The following PTPRD variants were observed in gnomAD, a reference collection of about 807,000 sequenced individuals.
PTPRD encodes the protein receptor-type tyrosine-protein phosphatase delta.
In PTPRD, 34 loss-of-function variants were observed where a neutral mutation model predicts 214.5. That is an observed-to-expected ratio of 0.16 (90% CI 0.12 to 0.21). PTPRD has a LOEUF of 0.21. Among genes scored for constraint, PTPRD ranks in the 10% least tolerant of loss-of-function variants. The pLI is 1.00. For synonymous variants in PTPRD, 1,128 were observed against 845.7 expected, an observed-to-expected ratio of 1.33 and a Z score of -5.79; for missense variants, 2,545 against 2,398.7, an observed-to-expected ratio of 1.06 and a Z score of -1.27.
At position 9,006,658 on chromosome 9, in the gene PTPRD, T is replaced by C. The variant is rs568205216; in HGVS notation, c.-104+12039A>G. Among the ~76,000 whole-genome samples, 109 of 152,150 alleles carry C rather than the reference T, an allele frequency of 7.2e-4. 1 individual carries two copies. Among genetic ancestry groups the C allele is most frequent in the African/African-American group, 2.5e-3 (104 of 41,544 alleles). On this transcript the variant is annotated intron_variant, in intron 11 of 45. Transcript: ENST00000381196. The stretch of plus-strand genomic sequence containing the variant: ...AAGCATCTGCCTGCTGGTCTAACCA[T>C]AATTTTAGGGAGTATTACTGATATC...
intron 12 of PTPRD, among the ~76,000 whole-genome samples, chr9:8,642,191 T>G (rs893060570): frequency 6.6e-6 from 1 of 152,196 alleles, no homozygotes; most frequent in Non-Finnish European, 1.5e-5. Flanking sequence ...AAGGATCACA[T>G]GCTACAAAAG....
chr9:8,783,772 A>G (rs1026351157), intron 11 of PTPRD, among the ~76,000 whole-genome samples: 1 of 152,146 alleles, frequency 6.6e-6, no homozygotes, highest in Non-Finnish European at 1.5e-5. Flanking sequence ...AGGATTTTCA[A>G]CTGTATTTTA....
intron 8 of PTPRD, among the ~76,000 whole-genome samples, chr9:9,482,279 A>C (rs948684665): frequency 6.6e-6 from 1 of 152,214 alleles, no homozygotes; most frequent in Admixed American, 6.5e-5. Context: ...CAGTTCAGTG[A>C]AATGACTTAA....
At chr9:8,817,516 A>C (rs901453628) in intron 11 of PTPRD, among the ~76,000 whole-genome samples, 1 of 152,140 alleles carries the variant, frequency 6.6e-6, no homozygotes, top group Non-Finnish European at 1.5e-5. Flanking sequence ...AGTGCCAGCC[A>C]GCTCCTTGGG....
chr9:9,301,739 A>T (rs770558386), intron 9 of PTPRD, among the ~76,000 whole-genome samples: 1 of 151,886 alleles, frequency 6.6e-6, no homozygotes, highest in East Asian at 1.9e-4. Flanking sequence ...TATTGATTGC[A>T]CTAATTATAG....
intron 10 of PTPRD, among the ~76,000 whole-genome samples, chr9:9,038,942 T>C (rs1385487823): frequency 1.3e-5 from 2 of 152,142 alleles, no homozygotes. Context: ...CTTACTTTTG[T>C]AAAAGCTTTT....
chr9:8,398,166 CTT>C (rs1236459492), intron 36 of PTPRD, among the ~76,000 whole-genome samples: 2 of 152,148 alleles, frequency 1.3e-5, no homozygotes, highest in Non-Finnish European at 2.9e-5. Flanking sequence ...TAAAGATAAT[CTT>C]AACAATTCCC....
chr9:10,080,435 C>A (rs931417494), intron 3 of PTPRD, among the ~76,000 whole-genome samples: 3 of 151,914 alleles, frequency 2.0e-5, no homozygotes, highest in Non-Finnish European at 4.4e-5. Flanking sequence ...CACTGTAATC[C>A]AATCATGACA....
intron 12 of PTPRD, chr9:8,713,777 A>T: frequency 6.5e-7 from 1 of 1,536,138 alleles, no homozygotes; most frequent in Non-Finnish European, 8.8e-7. Flanking sequence ...CCGCTGCCCC[A>T]CCGGGTCCTG....
At chr9:9,590,751 T>C (rs2092643475) in intron 7 of PTPRD, among the ~76,000 whole-genome samples, 1 of 152,050 alleles carries the variant, frequency 6.6e-6, no homozygotes, top group Admixed American at 6.6e-5. Context: ...CTCAAATAAA[T>C]CTAGAAATGA....
intron 7 of PTPRD, among the ~76,000 whole-genome samples, chr9:9,694,864 G>A (rs1595431778): frequency 6.6e-6 from 1 of 152,076 alleles, no homozygotes; most frequent in African/African-American, 2.4e-5. Flanking sequence ...AGGCCCTGGG[G>A]TGCCCTTTGA....
At chr9:9,332,332 T>C (rs1211197597) in intron 9 of PTPRD, among the ~76,000 whole-genome samples, 2 of 151,926 alleles carry the variant, frequency 1.3e-5, no homozygotes, top group South Asian at 2.1e-4. Context: ...ACAATGCAGA[T>C]AGCTTGAAAA....
chr9:9,130,445 C>T (rs77897508), intron 10 of PTPRD, among the ~76,000 whole-genome samples: 1 of 152,240 alleles, frequency 6.6e-6, no homozygotes, highest in African/African-American at 2.4e-5. Flanking sequence ...CACTGTGTTA[C>T]TAATTTAATA....
rs71332760 is a variant in PTPRD, at chr9:10,564,171, C to CTTTTTTTTTTTTTTTTTTTTTT, written c.-600+48205_-600+48226dup. Among the ~76,000 whole-genome samples, 30 of 29,406 alleles carry CTTTTTTTTTTTTTTTTTTTTTT rather than the reference C, an allele frequency of 1.0e-3. 10 individuals carry two copies. The highest frequency in any genetic ancestry group is 3.5e-3 in the African/African-American group (22 of 6,260). The allele number at this position is 29,406 out of a possible 152,430, so 19.3% of individuals were successfully genotyped here. On this transcript the variant is annotated intron_variant, in intron 2 of 45. Coordinates refer to ENST00000381196, the MANE Select transcript of PTPRD (RefSeq NM_002839.4). ...GTGTGCACCACCACACTAGGCTATT[C>CTTTTTTTTTTTTTTTTTTTTTT]TTTTTTTTTTTTTTTTTTTTTTTTG...
intron 3 of PTPRD, among the ~76,000 whole-genome samples, chr9:10,258,941 T>C (rs2093488653): frequency 6.6e-6 from 1 of 152,244 alleles, no homozygotes; most frequent in African/African-American, 2.4e-5. Flanking sequence ...TAAAACAGTA[T>C]TGTTGAACTT....
chr9:10,056,147 A>T (rs1002132444), intron 3 of PTPRD, among the ~76,000 whole-genome samples: 2 of 151,764 alleles, frequency 1.3e-5, no homozygotes, highest in African/African-American at 4.8e-5. Flanking sequence ...ATGGTAAAGC[A>T]CTGTCTCTAC....
intron 2 of PTPRD, among the ~76,000 whole-genome samples, chr9:10,417,536 T>C (rs888229645): frequency 6.6e-6 from 1 of 151,780 alleles, no homozygotes; most frequent in African/African-American, 2.4e-5. Context: ...CATTTTAGCT[T>C]AAAAGAAACT....
intron 8 of PTPRD, among the ~76,000 whole-genome samples, chr9:9,401,616 T>C (rs999703126): frequency 8.2e-5 from 11 of 134,606 alleles, no homozygotes; most frequent in East Asian, 4.3e-4. Context: ...TTTTTTTTTT[T>C]CCCTGAAATA....
chr9:10,262,096 C>T (rs2475338), intron 3 of PTPRD, among the ~76,000 whole-genome samples: 23,949 of 151,688 alleles, frequency 0.16, 2,011 homozygotes, highest in African/African-American at 0.2. Flanking sequence ...GCATATTAAA[C>T]CATTTAATTG....
Sources: gnomAD v4.1 joint callset for allele counts (sites outside exome capture counted in the v4.1 genomes callset) on GRCh38, gnomAD v4.1.1 for gene constraint, MANE v1.5 for transcripts, NCBI Gene and HGNC (gene_info 2026-07-23, HGNC 2026-07-21) for gene names.